The following ATP2C2 variants were observed in gnomAD, a reference collection of about 807,000 sequenced individuals.
The protein encoded by ATP2C2 is calcium-transporting ATPase type 2C member 2.
ATP2C2 carries 171 observed loss-of-function variants against 110.8 expected under a neutral mutation model. That is an observed-to-expected ratio of 1.54 (90% CI 1.36 to 1.75). The LOEUF is 1.75. Ranked by LOEUF, ATP2C2 falls within the 40% of genes most tolerant of loss-of-function variation. The pLI is 0.00. For missense variants in ATP2C2, 1,963 were observed against 1,235.0 expected (o/e 1.59, Z -8.84); for synonymous variants, 804 against 508.4 (o/e 1.58, Z -7.82).
At chr16:84,403,412 C>T (rs923554038) in intron 2 of ATP2C2, among the ~76,000 whole-genome samples, 1 of 152,064 alleles carries the variant, frequency 6.6e-6, no homozygotes, top group Non-Finnish European at 1.5e-5. Flanking sequence ...CTTAAGCAAT[C>T]GTCCTGCCTC....
chr16:84,448,437 G>C lies in ATP2C2; in HGVS notation c.1504-96G>C, dbSNP rs963990693. On this transcript the variant is annotated intron_variant, in intron 16 of 26. Transcript: ENST00000262429. ...AAATAACTCCGCTGCAAAGATCCCC[G>C]TGTGTGTCTTTGTAACCTTGTGCAG... is the stretch of plus-strand genomic sequence containing the variant. 7.1e-6 allele frequency: 10 copies of C among 1,404,794 alleles called. No homozygotes were observed. In the African/African-American group the frequency reaches 7.2e-5, roughly 10 times the overall value. 87.0% of individuals were successfully genotyped at this position (1,404,794 alleles called of 1,614,324 possible).
chr16:84,443,240 G>T (rs12445933), intron 15 of ATP2C2, among the ~76,000 whole-genome samples: 21,862 of 152,116 alleles, frequency 0.14, 2,183 homozygotes, highest in East Asian at 0.51. Flanking sequence ...GGCCGGCAGA[G>T]GTTAAGAGGA....
intron 4 of ATP2C2, among the ~76,000 whole-genome samples, chr16:84,410,114 C>T (rs1415477035): frequency 6.6e-6 from 1 of 152,080 alleles, no homozygotes; most frequent in Non-Finnish European, 1.5e-5. Context: ...GAGGCCGAGG[C>T]AGGAGAATCG....
At chr16:84,419,578 G>T (rs1597801818) in intron 7 of ATP2C2, among the ~76,000 whole-genome samples, 1 of 152,206 alleles carries the variant, frequency 6.6e-6, no homozygotes, top group Admixed American at 6.5e-5. Flanking sequence ...TGGGAAAGCT[G>T]GGGGCAGGGG....
At chr16:84,461,443 A>G (rs1228006496) in intron 24 of ATP2C2, 2 of 566,482 alleles carry the variant, frequency 3.5e-6, no homozygotes, top group Non-Finnish European at 6.3e-6. Flanking sequence ...CCTCCCAGGG[A>G]GACAGTTACT....
Position 84,422,344 on chromosome 16 carries a change from C to T in ATP2C2, c.625-46C>T, listed in dbSNP as rs201155219. The T allele has an allele frequency of 4.5e-5, 71 of 1,586,144 alleles. 1 individual carries two copies. The highest frequency in any genetic ancestry group is 5.8e-5 in the Non-Finnish European group (67 of 1,164,362). On this transcript the variant is annotated intron_variant, in intron 7 of 26. Coordinates refer to ENST00000262429, the MANE Select transcript of ATP2C2 (RefSeq NM_014861.4). ...ATTTTGTGCTTTTAACACCAATTCT[C>T]GGGGTGACAGAGAGATTCCACAGCC...
In ATP2C2 at chr16:84,410,583, G is replaced by T. The variant is rs369709332; in HGVS notation, c.433G>T (p.Val145Phe). ...VSIATAVLVV[V>F]TVAFIQEYRS... Reference sequence around the variant, plus strand: ...TGCTGTCTAGGCAGTGCTTGTCGTGGTCACTGTCGCCTTCATCCAGGTGAG... The same window carrying T: ...TGCTGTCTAGGCAGTGCTTGTCGTGTTCACTGTCGCCTTCATCCAGGTGAG... The change falls in exon 5 of 27, where the codon GTC (valine) becomes TTC (phenylalanine). Residue 145 changes from valine (V) to phenylalanine (F), a missense_variant. By Grantham distance (50) the Val-to-Phe change is conservative (BLOSUM62 -1). Coordinates refer to ENST00000262429, the MANE Select transcript of ATP2C2 (RefSeq NM_014861.4). 1.2e-6 allele frequency: 2 copies of T among 1,613,946 alleles called. No homozygotes were observed. Among genetic ancestry groups the T allele is most frequent in the Non-Finnish European group, 1.7e-6 (2 of 1,180,002 alleles).
Position 84,448,521 on chromosome 16 carries a change from G to A in ATP2C2, c.1504-12G>A. 6.2e-7 allele frequency: 1 copy of A among 1,602,266 alleles called. No individual in the cohort carries two copies. Among genetic ancestry groups the A allele is most frequent in the Non-Finnish European group, 8.5e-7 (1 of 1,171,582 alleles). On this transcript the variant is annotated splice_polypyrimidine_tract_variant and intron_variant, in intron 16 of 26. Transcript: ENST00000262429. ...CAGTGATAGTGGATTTCTTCCCTTTGTCTTTTCTAAGGATCAGGAAGACAT... is the reference window on the plus strand; with the variant it reads ...CAGTGATAGTGGATTTCTTCCCTTTATCTTTTCTAAGGATCAGGAAGACAT...
At chr16:84,388,772 A>G (rs1904472212) in intron 1 of ATP2C2, among the ~76,000 whole-genome samples, 2 of 151,674 alleles carry the variant, frequency 1.3e-5, no homozygotes, top group South Asian at 4.2e-4. Flanking sequence ...GTTTTGTTTT[A>G]TTTCTGTTTT....
At position 84,413,703 on chromosome 16, in the gene ATP2C2, G is replaced by A. The variant is rs187820946; in HGVS notation, c.516-1780G>A. ...AAAAGCAGCGGTGTCGGGCAGCCCAGTAGAGTTGAAAGAGCGCTGAAGAGG... is the reference window on the plus strand; with the variant it reads ...AAAAGCAGCGGTGTCGGGCAGCCCAATAGAGTTGAAAGAGCGCTGAAGAGG... On this transcript the variant is annotated intron_variant, in intron 6 of 26. Coordinates refer to ENST00000262429, the MANE Select transcript of ATP2C2 (RefSeq NM_014861.4). Among the ~76,000 whole-genome samples the A allele has an allele frequency of 6.4e-4, 97 of 152,282 alleles. 1 individual carries two copies. In the East Asian group the frequency reaches 0.016, roughly 25 times the overall value.
intron 6 of ATP2C2, among the ~76,000 whole-genome samples, chr16:84,414,901 C>G (rs997345634): frequency 6.6e-6 from 1 of 152,078 alleles, no homozygotes; most frequent in Non-Finnish European, 1.5e-5. Flanking sequence ...TCTAAGAGCG[C>G]TCCAGCTGCC....
chr16:84,432,056 G>C (rs1032443860), intron 11 of ATP2C2, among the ~76,000 whole-genome samples: 8 of 152,234 alleles, frequency 5.3e-5, no homozygotes, highest in African/African-American at 1.9e-4. Context: ...GGCAAACCTG[G>C]ATGGCCGCTC....
chr16:84,388,864 T>C (rs532601311), intron 1 of ATP2C2, among the ~76,000 whole-genome samples: 2 of 152,296 alleles, frequency 1.3e-5, no homozygotes, highest in South Asian at 2.1e-4. Flanking sequence ...CTCCGCCTCC[T>C]GGGTTCAAGC....
At chr16:84,391,229 C>G (rs1904645248) in intron 1 of ATP2C2, among the ~76,000 whole-genome samples, 1 of 152,058 alleles carries the variant, frequency 6.6e-6, no homozygotes, top group African/African-American at 2.4e-5. Flanking sequence ...GGATGCGCCA[C>G]TCTCATTACA....
chr16:84,462,188 C>A (rs1034135900), intron 26 of ATP2C2, 59 bp downstream of exon 26: 78 of 1,572,828 alleles, frequency 5.0e-5, no homozygotes, highest in Non-Finnish European at 6.5e-5. Context: ...GGGGCGGCAG[C>A]TGCCAGGTGG....
At chr16:84,459,761 G>A (rs1911088268) in intron 23 of ATP2C2, 2 of 600,702 alleles carry the variant, frequency 3.3e-6, no homozygotes, top group East Asian at 5.8e-5. Flanking sequence ...TAGAGAGGAA[G>A]ATACACACAG....
chr16:84,375,446 C>A (rs913472877), intron 1 of ATP2C2, among the ~76,000 whole-genome samples: 21 of 150,110 alleles, frequency 1.4e-4, no homozygotes, highest in African/African-American at 4.9e-4. Flanking sequence ...GAGGCTGAGG[C>A]AGAAGAATCA....
chr16:84,441,480 C>T (rs553100827), intron 14 of ATP2C2, among the ~76,000 whole-genome samples: 25 of 152,256 alleles, frequency 1.6e-4, no homozygotes, highest in African/African-American at 5.5e-4. Flanking sequence ...CCGAGCTGTA[C>T]TCACCCTTTC....
chr16:84,453,251 C>T lies in ATP2C2; in HGVS notation c.1929+16C>T. 6 of 1,614,024 alleles carry T rather than the reference C, an allele frequency of 3.7e-6. No homozygotes were observed. The highest frequency in any genetic ancestry group is 5.1e-6 in the Non-Finnish European group (6 of 1,179,922). ...CGTGGGGAAGGTGGGTCCCCGGAGG[C>T]TTGGCTGGCAGTGGGGCTGGGTCAC... On this transcript the variant is annotated intron_variant, in intron 19 of 26. Transcript: ENST00000262429.
Sources: allele counts gnomAD v4.1 joint callset (sites outside exome capture counted in the v4.1 genomes callset), GRCh38; gene constraint gnomAD v4.1.1; transcripts MANE v1.5; gene names NCBI Gene and HGNC (gene_info 2026-07-23, HGNC 2026-07-21).